Variants in MTA1 observed in about 807,000 individuals in gnomAD.
MTA1 encodes metastasis associated 1.
MTA1 carries 15 observed loss-of-function variants against 97.0 expected under a neutral mutation model. That is an observed-to-expected ratio of 0.15 (90% CI 0.10 to 0.24). The LOEUF is 0.24. MTA1 is among the 10% of genes least tolerant of loss of function. MTA1 has a pLI of 1.00. For missense variants in MTA1, 709 were observed against 1,015.1 expected, an observed-to-expected ratio of 0.70 and a Z score of 4.10; for synonymous variants, 435 against 417.5, an observed-to-expected ratio of 1.04 and a Z score of -0.51.
At chr14:105,441,968 T>C (rs1555425845) in intron 2 of MTA1, among the ~76,000 whole-genome samples, 4 of 151,814 alleles carry the variant, frequency 2.6e-5, no homozygotes, top group Non-Finnish European at 5.9e-5. Context: ...AAGTAGCAAA[T>C]GAAATGAAAG....
intron 1 of MTA1, among the ~76,000 whole-genome samples, chr14:105,431,873 A>G (rs902050498): frequency 2.0e-5 from 3 of 151,902 alleles, no homozygotes; most frequent in Admixed American, 2.0e-4. Context: ...TGATCCGCCC[A>G]CCTCAGCCTC....
chr14:105,469,270 G>A, intron 18 of MTA1, 197 bp from the exon 19 acceptor site: 1 of 644,834 alleles, frequency 1.6e-6, no homozygotes, highest in South Asian at 1.7e-5. Context: ...TGGCCAGAGA[G>A]CTGTGGGGCC....
intron 8 of MTA1, 50 bp downstream of exon 8, chr14:105,458,422 T>A: frequency 2.0e-6 from 3 of 1,527,096 alleles, no homozygotes; most frequent in Non-Finnish European, 2.7e-6. Context: ...CTGGAGCTTC[T>A]GTTCTCCCTT....
Position 105,463,006 on chromosome 14 carries a change from A to T in MTA1, c.943-178A>T, listed in dbSNP as rs587641703. 1.3e-5 allele frequency among the ~76,000 whole-genome samples: 2 copies of T among 152,198 alleles called. No homozygotes were observed. The highest frequency in any genetic ancestry group is 6.5e-5 in the Admixed American group (1 of 15,292). On this transcript the variant is annotated intron_variant, in intron 10 of 20. Transcript: ENST00000331320. This position sits in a 1 kb window ranked among gnomAD's most constrained non-coding sequence, Gnocchi z 5.9. ...GGCATCTGGCGGGGGGACCTGCTTC[A>T]TCAGCTGCCCTCTGCACCTGCCTGC...
intron 2 of MTA1, among the ~76,000 whole-genome samples, chr14:105,443,381 T>C (rs2082609876): frequency 6.6e-6 from 1 of 152,184 alleles, no homozygotes; most frequent in African/African-American, 2.4e-5. Context: ...TTTTTGTTGT[T>C]GCTTTTTTGA....
intron 3 of MTA1, among the ~76,000 whole-genome samples, chr14:105,448,649 G>A (rs112786531): frequency 6.6e-6 from 1 of 152,244 alleles, no homozygotes; most frequent in African/African-American, 2.4e-5. Flanking sequence ...TATGGACCGG[G>A]AGGAGGTGAG....
At chr14:105,462,479 GA>G (rs1216246425) in intron 10 of MTA1, among the ~76,000 whole-genome samples, 2 of 152,078 alleles carry the variant, frequency 1.3e-5, no homozygotes, top group Non-Finnish European at 2.9e-5. Flanking sequence ...AGAGGCAGGA[GA>G]ATCACTTGAA....
chr14:105,453,386 C>G (rs1282492138), intron 6 of MTA1, among the ~76,000 whole-genome samples: 1 of 152,264 alleles, frequency 6.6e-6, no homozygotes, highest in Non-Finnish European at 1.5e-5. Context: ...TAGCACACGC[C>G]TGTAGTCTCA....
intron 3 of MTA1, among the ~76,000 whole-genome samples, chr14:105,447,949 G>A (rs1046261098): frequency 7.9e-5 from 12 of 152,164 alleles, no homozygotes; most frequent in Admixed American, 2.0e-4. Context: ...GCTCTCCCAC[G>A]TCACTGCCTC....
chr14:105,420,042 G>A lies in MTA1; in HGVS notation c.7G>A (p.Ala3Thr). The part of the protein sequence containing the change: MA[A>T]NMYRVGDYVY... ...CGCCGCCGCCGGCCCGGACATGGCCGCCAACATGTACAGGGTCGGAGGTAA... is the reference window on the plus strand; with the variant it reads ...CGCCGCCGCCGGCCCGGACATGGCCACCAACATGTACAGGGTCGGAGGTAA... The change falls in exon 1 of 21, where the codon GCC (alanine) becomes ACC (threonine). Residue 3 changes from alanine to threonine, a missense_variant. Ala to Thr is a moderately conservative substitution (Grantham distance 58). Around this residue, in one of 2 missense-constraint regions of MTA1, gnomAD observed 321 missense variants for 593.5 expected, o/e 0.54. Coordinates refer to ENST00000331320, the MANE Select transcript of MTA1 (RefSeq NM_004689.4). This position sits in a 1 kb window ranked among gnomAD's most constrained non-coding sequence, Gnocchi z 5.3. 5 of 1,085,340 alleles carry A rather than the reference G, an allele frequency of 4.6e-6. No homozygotes were observed. The highest frequency in any genetic ancestry group is 5.4e-5 in the South Asian group (2 of 37,138). 67.2% of individuals were successfully genotyped at this position (1,085,340 alleles called of 1,614,324 possible). A position where few individuals can be genotyped will look rare whatever the true frequency, so the allele number is the denominator to read the frequency against.
At chr14:105,451,790 T>TG (rs2082948027) in intron 6 of MTA1, among the ~76,000 whole-genome samples, 1 of 140,544 alleles carries the variant, frequency 7.1e-6, no homozygotes, top group African/African-American at 2.7e-5. Context: ...TTTGTTTTTT[T>TG]TTTTTTTTTT....
intron 1 of MTA1, among the ~76,000 whole-genome samples, chr14:105,436,579 G>A (rs587683199): frequency 1.3e-3 from 199 of 152,188 alleles, no homozygotes; most frequent in African/African-American, 4.1e-3. Context: ...CGCAGCCGTC[G>A]TGCCTGCCAC....
chr14:105,470,307 TGCCCCACCTCCC>T lies in MTA1; in HGVS notation c.*97_*108del, dbSNP rs1245955099. On this transcript the variant is annotated 3_prime_UTR_variant, in exon 21 of 21. Transcript: ENST00000331320. ...CGCCGCCCGCCCCTCAGTTTGGTAG[TGCCCCACCTCCC>T]GCCCTCACCTGCAGAGAAACGCGCT... 1 of 1,124,124 alleles carries T rather than the reference TGCCCCACCTCCC, an allele frequency of 8.9e-7. No individual in the cohort carries two copies. Among genetic ancestry groups the T allele is most frequent in the Non-Finnish European group, 1.2e-6 (1 of 858,582 alleles). The allele number at this position is 1,124,124 out of a possible 1,614,324, so 69.6% of individuals were successfully genotyped here.
intron 2 of MTA1, among the ~76,000 whole-genome samples, chr14:105,445,142 T>C (rs2082673009): frequency 6.6e-6 from 1 of 152,128 alleles, no homozygotes; most frequent in South Asian, 2.1e-4. Context: ...ACCCTGCTGT[T>C]CTCAGGTGGT....
At position 105,460,968 on chromosome 14, in the gene MTA1, T is replaced by G. The variant is rs1450825924; in HGVS notation, c.942+15T>G. The G allele has an allele frequency of 1.9e-6, 3 of 1,601,222 alleles. No homozygotes were observed. Among genetic ancestry groups the G allele is most frequent in the African/African-American group, 2.7e-5 (2 of 74,804 alleles). ...AGCAAGATTTTGTGAGTACCGTGGG[T>G]GGCGATGGGGGAGTGGCTGGCCATG... On this transcript the variant is annotated intron_variant, in intron 10 of 20. Transcript: ENST00000331320.
chr14:105,466,332 G>A, intron 16 of MTA1, 94 bp from the exon 17 acceptor site: 2 of 1,171,846 alleles, frequency 1.7e-6, no homozygotes, highest in South Asian at 1.3e-5. Context: ...AGTTCCTGGG[G>A]GTATCCCGGA....
chr14:105,445,613 T>C, intron 3 of MTA1, 102 bp downstream of exon 3: 3 of 1,189,960 alleles, frequency 2.5e-6, no homozygotes, highest in Non-Finnish European at 3.7e-6. Flanking sequence ...CCTGGCCTCG[T>C]GGGGCCACCC....
chr14:105,464,184 C>T, intron 13 of MTA1, 37 bp downstream of exon 13: 1 of 1,585,410 alleles, frequency 6.3e-7, no homozygotes, highest in Non-Finnish European at 8.6e-7. Flanking sequence ...CACCGCACGC[C>T]CGCCTGTGGG....
intron 7 of MTA1, among the ~76,000 whole-genome samples, chr14:105,454,907 T>G (rs1339646323): frequency 2.6e-5 from 4 of 151,644 alleles, no homozygotes; most frequent in Admixed American, 6.6e-5. Flanking sequence ...TTATTTTTCA[T>G]TACTTTTTCT....
Sources: gnomAD v4.1 joint callset for allele counts (sites outside exome capture counted in the v4.1 genomes callset) on GRCh38, gnomAD v4.1.1 for gene constraint, gnomAD v4.1.1 regional missense constraint, Gnocchi (gnomAD v3.1) non-coding constraint, MANE v1.5 for transcripts, NCBI Gene and HGNC (gene_info 2026-07-23, HGNC 2026-07-21) for gene names.